The following DCC variants were observed in gnomAD, a reference collection of about 807,000 sequenced individuals.
DCC encodes netrin receptor DCC.
DCC carries 58 observed loss-of-function variants against 172.5 expected under a neutral mutation model. The observed-to-expected ratio is 0.34, with a 90% confidence interval of 0.27 to 0.42. The LOEUF (loss-of-function observed/expected upper bound fraction) is 0.42. DCC is among the 10% of genes least tolerant of loss of function. The pLI is 1.00. For synonymous variants in DCC, 709 were observed against 644.5 expected, an observed-to-expected ratio of 1.10 and a Z score of -1.52; for missense variants, 1,740 against 1,791.0, an observed-to-expected ratio of 0.97 and a Z score of 0.51.
At chr18:52,595,482 A>G (rs1156592196) in intron 1 of DCC, among the ~76,000 whole-genome samples, 2 of 152,168 alleles carry the variant, frequency 1.3e-5, no homozygotes, top group Non-Finnish European at 2.9e-5. Flanking sequence ...TTTAAACTGA[A>G]CTTGCTCATT....
At position 53,431,734 on chromosome 18, in the gene DCC, T is replaced by C. The variant is rs1003929724; in HGVS notation, c.3164-3410T>C. ...CTTGACCTCAAGTGATCCACCCTCCTCGGCCTCCCAAAGTTCTGGGATTAC... is the reference window on the plus strand; with the variant it reads ...CTTGACCTCAAGTGATCCACCCTCCCCGGCCTCCCAAAGTTCTGGGATTAC... On this transcript the variant is annotated intron_variant, in intron 21 of 28. Transcript: ENST00000442544. Among the ~76,000 whole-genome samples, 3 of 152,120 alleles carry C rather than the reference T, an allele frequency of 2.0e-5. No homozygotes were observed. The East Asian group carries it at 5.8e-4, about 29-fold the overall frequency.
chr18:53,265,081 C>T (rs2037803996), intron 12 of DCC, among the ~76,000 whole-genome samples: 1 of 152,130 alleles, frequency 6.6e-6, no homozygotes, highest in African/African-American at 2.4e-5. Context: ...AAAGTAGCTC[C>T]ATCTCAGCTA....
chr18:53,423,354 A>G (rs61463882), intron 21 of DCC, among the ~76,000 whole-genome samples: 4,668 of 152,224 alleles, frequency 0.031, 278 homozygotes, highest in African/African-American at 0.11. Context: ...TTTTCTTTCC[A>G]AAACAGATGG....
intron 14 of DCC, among the ~76,000 whole-genome samples, chr18:53,335,327 T>G (rs1568063891): frequency 6.6e-6 from 1 of 152,190 alleles, no homozygotes; most frequent in Non-Finnish European, 1.5e-5. Context: ...ATTGTCTTAT[T>G]TGTTTATTAG....
At chr18:53,066,357 A>ATG (rs2042567841) in intron 7 of DCC, among the ~76,000 whole-genome samples, 191 bp downstream of exon 7, 18 of 19,604 alleles carry the variant, frequency 9.2e-4, no homozygotes, top group Admixed American at 3.3e-3. Context: ...ATGTGTGTAT[A>ATG]TATATATATA....
At chr18:52,928,697 A>G (rs181502783) in intron 5 of DCC, among the ~76,000 whole-genome samples, 1 of 152,176 alleles carries the variant, frequency 6.6e-6, no homozygotes. Flanking sequence ...GGTCGAGCCC[A>G]TTAGATAACA....
chr18:52,997,076 A>AAAAGCC (rs2041494340), intron 5 of DCC, among the ~76,000 whole-genome samples: 1 of 152,120 alleles, frequency 6.6e-6, no homozygotes, highest in Non-Finnish European at 1.5e-5. Flanking sequence ...AAACAAAAAC[A>AAAAGCC]AAAGCCAAAC....
At chr18:52,355,152 A>T (rs1984303525) in intron 1 of DCC, among the ~76,000 whole-genome samples, 1 of 152,144 alleles carries the variant, frequency 6.6e-6, no homozygotes, top group Admixed American at 6.5e-5. Flanking sequence ...GAGTCAAAGC[A>T]TTAAAATGTT....
At chr18:52,593,425 G>T (rs2033843635) in intron 1 of DCC, among the ~76,000 whole-genome samples, 1 of 152,132 alleles carries the variant, frequency 6.6e-6, no homozygotes, top group African/African-American at 2.4e-5. Context: ...TTTTTGTCAA[G>T]AAATTCTCTT....
intron 2 of DCC, among the ~76,000 whole-genome samples, chr18:52,782,417 T>A (rs181569748): frequency 6.6e-6 from 1 of 152,150 alleles, no homozygotes; most frequent in East Asian, 1.9e-4. Flanking sequence ...GAAATTCAAG[T>A]TTCTATTTTT....
chr18:52,497,746 G>A (rs1475902746), intron 1 of DCC, among the ~76,000 whole-genome samples: 1 of 151,984 alleles, frequency 6.6e-6, no homozygotes, highest in Non-Finnish European at 1.5e-5. Flanking sequence ...CTCATCAAGG[G>A]GTGGTCTATA....
intron 7 of DCC, among the ~76,000 whole-genome samples, chr18:53,095,807 T>TTTTTA (rs2043078088): frequency 4.0e-5 from 6 of 151,686 alleles, no homozygotes; most frequent in Admixed American, 3.9e-4. Context: ...TTTTTTTTTT[T>TTTTTA]TTGGAGGGTA....
chr18:52,365,738 G>T (rs1984819492), intron 1 of DCC, among the ~76,000 whole-genome samples: 1 of 152,292 alleles, frequency 6.6e-6, no homozygotes, highest in Non-Finnish European at 1.5e-5. Context: ...GAGATTAGCA[G>T]AATTATTCTG....
At chr18:52,585,424 C>T (rs2033647444) in intron 1 of DCC, among the ~76,000 whole-genome samples, 1 of 152,134 alleles carries the variant, frequency 6.6e-6, no homozygotes, top group Non-Finnish European at 1.5e-5. Context: ...TTGAAATAGT[C>T]AAAGGAAGCT....
At chr18:53,022,539 ATGTGCGTGTGTGTGTG>A (rs1175524813) in intron 5 of DCC, among the ~76,000 whole-genome samples, 5 of 117,722 alleles carry the variant, frequency 4.2e-5, no homozygotes, top group African/African-American at 1.3e-4. Context: ...TTATATATAT[ATGTGCGTGTGTGTGTG>A]TGTGTGTGTG....
chr18:52,541,048 G>T (rs754853328), intron 1 of DCC, among the ~76,000 whole-genome samples: 1 of 152,160 alleles, frequency 6.6e-6, no homozygotes, highest in African/African-American at 2.4e-5. Flanking sequence ...TCATGGTCCC[G>T]TTTGATTCTC....
chr18:52,850,961 A>G (rs1453427489), intron 2 of DCC, among the ~76,000 whole-genome samples: 1 of 152,098 alleles, frequency 6.6e-6, no homozygotes, highest in Non-Finnish European at 1.5e-5. Flanking sequence ...AGTGTTTTAC[A>G]GCTTCGATAT....
chr18:52,748,572 C>T (rs1347559643), intron 1 of DCC, among the ~76,000 whole-genome samples: 3 of 152,202 alleles, frequency 2.0e-5, no homozygotes, highest in Admixed American at 1.3e-4. Context: ...TGGGCTGGCC[C>T]GGCCCCACTG....
intron 1 of DCC, among the ~76,000 whole-genome samples, chr18:52,736,834 A>G (rs1205819124): frequency 6.6e-6 from 1 of 151,528 alleles, no homozygotes; most frequent in Non-Finnish European, 1.5e-5. Flanking sequence ...CAAGAGTGGA[A>G]GCAGGTGGAT....
Sources: gnomAD v4.1 joint callset for allele counts (sites outside exome capture counted in the v4.1 genomes callset) on GRCh38, gnomAD v4.1.1 for gene constraint, MANE v1.5 for transcripts, NCBI Gene and HGNC (gene_info 2026-07-23, HGNC 2026-07-21) for gene names.